The following CCDC171 variants were observed in gnomAD, a reference collection of about 807,000 sequenced individuals.
The protein encoded by CCDC171 is coiled-coil domain containing 171.
CCDC171 carries 177 observed loss-of-function variants against 168.2 expected under a neutral mutation model. That is an observed-to-expected ratio of 1.05 (90% CI 0.93 to 1.19). The LOEUF (loss-of-function observed/expected upper bound fraction) is 1.19. Ranked by LOEUF, CCDC171 falls within the 50% of genes most tolerant of loss-of-function variation. The pLI is 0.00. For missense variants in CCDC171, 1,991 were observed against 1,539.0 expected (o/e 1.29, Z -4.91); for synonymous variants, 687 against 540.8 (o/e 1.27, Z -3.75).
chr9:15,755,190 C>T (rs1432191704), intron 18 of CCDC171, among the ~76,000 whole-genome samples: 1 of 152,126 alleles, frequency 6.6e-6, no homozygotes, highest in Non-Finnish European at 1.5e-5. Flanking sequence ...GTTCTTTCTT[C>T]TCTGCTGTCC....
At chr9:15,624,178 G>A (rs1188204782) in intron 7 of CCDC171, among the ~76,000 whole-genome samples, 3 of 152,124 alleles carry the variant, frequency 2.0e-5, no homozygotes, top group Non-Finnish European at 2.9e-5. Context: ...TGGGAGGAAG[G>A]AAGTGTGATT....
At position 15,672,783 on chromosome 9, in the gene CCDC171, G is replaced by A. The variant is rs570264247; in HGVS notation, c.1077-5975G>A. ...GTAGTATAGTTTAAAGTCAGATAGCGTGATGCCTCCAGCTTGCTTTGTTCT... is the reference window on the plus strand; with the variant it reads ...GTAGTATAGTTTAAAGTCAGATAGCATGATGCCTCCAGCTTGCTTTGTTCT... On this transcript the variant is annotated intron_variant, in intron 9 of 25. Transcript: ENST00000380701. Among the ~76,000 whole-genome samples, 16 of 152,170 alleles carry A rather than the reference G, an allele frequency of 1.1e-4. No individual in the cohort carries two copies. In the South Asian group the frequency reaches 1.9e-3, roughly 18 times the overall value.
intron 18 of CCDC171, among the ~76,000 whole-genome samples, chr9:15,774,001 T>G (rs936102430): frequency 6.6e-6 from 1 of 151,882 alleles, no homozygotes; most frequent in African/African-American, 2.4e-5. Flanking sequence ...ATCCCAGCAC[T>G]TTGGGAGGCT....
intron 6 of CCDC171, among the ~76,000 whole-genome samples, chr9:16,028,242 A>G (rs1173131033): frequency 6.6e-6 from 1 of 152,188 alleles, no homozygotes; most frequent in Non-Finnish European, 1.5e-5. Context: ...AGCTATTGGA[A>G]GCTTCTTCCG....
intron 25 of CCDC171, among the ~76,000 whole-genome samples, chr9:15,945,396 G>A (rs1364749702): frequency 2.7e-5 from 4 of 150,322 alleles, no homozygotes; most frequent in African/African-American, 4.8e-5. Flanking sequence ...TATATACCCA[G>A]TAATGGGATG....
intron 6 of CCDC171, among the ~76,000 whole-genome samples, chr9:15,613,017 G>T (rs546014545): frequency 3.3e-5 from 5 of 152,088 alleles, no homozygotes; most frequent in Admixed American, 2.0e-4. Flanking sequence ...TTTGTTGGGG[G>T]TTCTATATAC....
At chr9:15,740,991 T>C (rs1224848397) in intron 16 of CCDC171, among the ~76,000 whole-genome samples, 1 of 152,210 alleles carries the variant, frequency 6.6e-6, no homozygotes, top group Non-Finnish European at 1.5e-5. Flanking sequence ...TATAGATTTT[T>C]TACATTTCAG....
At chr9:15,944,043 T>G (rs1828019949) in intron 25 of CCDC171, among the ~76,000 whole-genome samples, 2 of 152,040 alleles carry the variant, frequency 1.3e-5, no homozygotes, top group Non-Finnish European at 2.9e-5. Flanking sequence ...TGTTGTTTTT[T>G]CTTTTGCAGT....
intron 25 of CCDC171, among the ~76,000 whole-genome samples, chr9:15,940,318 C>T (rs187492811): frequency 1.3e-5 from 2 of 151,862 alleles, no homozygotes; most frequent in Admixed American, 6.6e-5. Context: ...AACTCAGAAT[C>T]TTATCTAATT....
At position 15,777,836 on chromosome 9, in the gene CCDC171, C is replaced by T. The variant is rs1232042378; in HGVS notation, c.2898+10C>T. Reference sequence around the variant, plus strand: ...CCATGTGCCCATTACGGTATGTATACACTTTCATTTAGTAGTAACCTAAGA... The same window carrying T: ...CCATGTGCCCATTACGGTATGTATATACTTTCATTTAGTAGTAACCTAAGA... On this transcript the variant is annotated intron_variant, in intron 19 of 25. Coordinates refer to ENST00000380701, the MANE Select transcript of CCDC171 (RefSeq NM_173550.4). 3 of 1,554,158 alleles carry T rather than the reference C, an allele frequency of 1.9e-6. No individual in the cohort carries two copies. The highest frequency in any genetic ancestry group is 2.6e-6 in the Non-Finnish European group (3 of 1,148,962).
chr9:15,869,773 A>G (rs1028897473), intron 23 of CCDC171, among the ~76,000 whole-genome samples: 9 of 151,648 alleles, frequency 5.9e-5, no homozygotes, highest in Non-Finnish European at 1.3e-4. Flanking sequence ...GTATCAGGAG[A>G]CGGTATACAG....
chr9:15,803,456 G>C (rs2058924277), intron 21 of CCDC171, among the ~76,000 whole-genome samples: 1 of 151,854 alleles, frequency 6.6e-6, no homozygotes. Context: ...TAAGGAAGAG[G>C]TCCAGTTTCA....
chr9:15,714,820 C>G (rs1219223133), intron 11 of CCDC171, among the ~76,000 whole-genome samples: 2 of 152,106 alleles, frequency 1.3e-5, no homozygotes, highest in Non-Finnish European at 2.9e-5. Flanking sequence ...AGAGCTAGGA[C>G]TTTTCTACTT....
At chr9:15,789,152 G>A (rs181231796) in intron 21 of CCDC171, among the ~76,000 whole-genome samples, 2 of 152,178 alleles carry the variant, frequency 1.3e-5, no homozygotes, top group East Asian at 1.9e-4. Context: ...AATCCAAAAT[G>A]CTCTAAAATC....
chr9:16,059,470 G>A (rs1445689069), intron 1 of CCDC171, among the ~76,000 whole-genome samples: 1 of 141,976 alleles, frequency 7.0e-6, no homozygotes, highest in Non-Finnish European at 1.6e-5. Context: ...TGGGCTTTTT[G>A]CTTGATTTTT....
Position 15,610,469 on chromosome 9 carries a change from A to AAAAAAAAAAAAAAAAAC in CCDC171, c.676-12786_676-12785insAAAACAAAAAAAAAAAA, listed in dbSNP as rs1432453522. 3.3e-4 allele frequency among the ~76,000 whole-genome samples: 45 copies of AAAAAAAAAAAAAAAAAC among 136,266 alleles called. 1 individual carries two copies. The highest frequency in any genetic ancestry group is 5.6e-4 in the Non-Finnish European group (35 of 62,060). The allele number at this position is 136,266 out of a possible 152,430, so 89.4% of individuals were successfully genotyped here. On this transcript the variant is annotated intron_variant, in intron 6 of 25. Transcript: ENST00000380701. ...TAAAAAAAAAAAAAAAAAAAAAAAAAAAAAAAAAAAAACTGGGCGTGGTGG... is the reference window on the plus strand; with the variant it reads ...TAAAAAAAAAAAAAAAAAAAAAAAAAAAAAAAAAAAAAAAAACAAAAAAAAAAAACTGGGCGTGGTGG...
At chr9:15,933,194 G>A (rs937649778) in intron 25 of CCDC171, among the ~76,000 whole-genome samples, 1 of 151,920 alleles carries the variant, frequency 6.6e-6, no homozygotes, top group Admixed American at 6.6e-5. Context: ...ATGTTAGATA[G>A]ATTTCAGCAG....
intron 21 of CCDC171, among the ~76,000 whole-genome samples, chr9:15,788,316 A>G (rs981075509): frequency 1.3e-5 from 2 of 152,240 alleles, no homozygotes; most frequent in Non-Finnish European, 2.9e-5. Flanking sequence ...GTTTATGAGA[A>G]TGAATTAAGA....
intron 10 of CCDC171, among the ~76,000 whole-genome samples, chr9:15,694,374 A>G (rs1266072975): frequency 6.6e-6 from 1 of 152,166 alleles, no homozygotes; most frequent in Non-Finnish European, 1.5e-5. Context: ...ATTCACATAT[A>G]TTTATTTGGG....
Sources: gnomAD v4.1 joint callset for allele counts (sites outside exome capture counted in the v4.1 genomes callset) on GRCh38, gnomAD v4.1.1 for gene constraint, MANE v1.5 for transcripts, NCBI Gene and HGNC (gene_info 2026-07-23, HGNC 2026-07-21) for gene names.